The following PDXDC1 variants were observed in gnomAD, a reference collection of about 807,000 sequenced individuals.
PDXDC1 encodes pyridoxal dependent decarboxylase domain containing 1.
PDXDC1 carries 42 observed loss-of-function variants against 100.1 expected under a neutral mutation model. The ratio of observed to expected loss-of-function variants is 0.42; its 90% CI spans 0.33 to 0.54. The LOEUF is 0.54. PDXDC1 is among the 20% of genes least tolerant of loss of function. The pLI, the probability that PDXDC1 is intolerant of heterozygous loss-of-function variation, is 0.10. For missense variants in PDXDC1, 636 were observed against 979.2 expected (o/e 0.65, Z 4.68); for synonymous variants, 260 against 371.7 (o/e 0.70, Z 3.46).
At chr16:15,125,082 G>A (rs1352859734) in intron 16 of PDXDC1, among the ~76,000 whole-genome samples, 5 of 145,314 alleles carry the variant, frequency 3.4e-5, no homozygotes, top group Non-Finnish European at 7.5e-5. Context: ...GGGAGGCGGA[G>A]GTTGCAGTGA....
chr16:15,006,298 C>T, intron 5 of PDXDC1, 96 bp from the exon 6 acceptor site: 1 of 1,199,356 alleles, frequency 8.3e-7, no homozygotes, highest in Non-Finnish European at 1.2e-6. Context: ...AGTGACAATT[C>T]CTAGCTTGAG....
chr16:15,060,163 C>A (rs1237550713), intron 16 of PDXDC1: 2 of 420,884 alleles, frequency 4.8e-6, no homozygotes, highest in Admixed American at 5.5e-5. Flanking sequence ...AAATGTCTTT[C>A]TACATTAAAA....
chr16:14,982,444 G>A (rs1351575502), intron 1 of PDXDC1, among the ~76,000 whole-genome samples: 1 of 152,258 alleles, frequency 6.6e-6, no homozygotes, highest in African/African-American at 2.4e-5. Context: ...CCCACGTGGT[G>A]AAACCCCATC....
Position 14,975,101 on chromosome 16 carries a change from C to T in PDXDC1, c.-99C>T, listed in dbSNP as rs1441483003. 3 of 1,466,936 alleles carry T rather than the reference C, an allele frequency of 2.0e-6. No individual in the cohort carries two copies. Among genetic ancestry groups the T allele is most frequent in the Non-Finnish European group, 2.7e-6 (3 of 1,120,290 alleles). The allele number at this position is 1,466,936 out of a possible 1,614,324, so 90.9% of individuals were successfully genotyped here. On this transcript the variant is annotated 5_prime_UTR_variant, in exon 1 of 23. Coordinates refer to ENST00000396410, the MANE Select transcript of PDXDC1 (RefSeq NM_015027.4). ...TCTTCTCCGCCCCGCCGGCCGCGGG[C>T]GCGGGGGACGTCAGCGCTGCCAGCG...
intron 1 of PDXDC1, among the ~76,000 whole-genome samples, chr16:14,988,047 C>T (rs1969816293): frequency 1.4e-5 from 2 of 138,724 alleles, no homozygotes; most frequent in Admixed American, 1.5e-4. Context: ...GGAAAGCTTA[C>T]AAAAGGTCCA....
intron 16 of PDXDC1, chr16:15,128,214 GC>G (rs781132806): frequency 1.4e-5 from 23 of 1,610,842 alleles, no homozygotes; most frequent in East Asian, 8.9e-5. Flanking sequence ...GGCAGGGTCC[GC>G]ACAGACCTTT....
intron 16 of PDXDC1, among the ~76,000 whole-genome samples, chr16:15,054,710 G>T (rs1028879106): frequency 3.9e-5 from 6 of 152,148 alleles, no homozygotes; most frequent in African/African-American, 1.4e-4. Flanking sequence ...CCTCATTTAT[G>T]CAGCAAATCT....
chr16:15,130,285 G>A (rs1187997298), intron 16 of PDXDC1: 11 of 1,536,080 alleles, frequency 7.2e-6, no homozygotes, highest in Non-Finnish European at 8.8e-6. Context: ...CAGACGGCCT[G>A]GCGGGGCGAG....
intron 16 of PDXDC1, chr16:15,135,980 G>C: frequency 6.4e-7 from 1 of 1,563,738 alleles, no homozygotes; most frequent in Admixed American, 1.8e-5. Context: ...CGGCTGGTGG[G>C]CCCGAGCCAG....
At chr16:15,007,880 G>GC (rs2040916998) in intron 6 of PDXDC1, among the ~76,000 whole-genome samples, 1 of 152,294 alleles carries the variant, frequency 6.6e-6, no homozygotes, top group Non-Finnish European at 1.5e-5. Flanking sequence ...TGGCAGAGCA[G>GC]CATATATAAG....
chr16:15,128,570 A>G (rs2047882638), intron 16 of PDXDC1, among the ~76,000 whole-genome samples: 1 of 152,166 alleles, frequency 6.6e-6, no homozygotes. Flanking sequence ...AATAAACAGC[A>G]GGACCTCAAG....
rs1597333285 is a variant in PDXDC1 at position 14,990,143 on chromosome 16, C to T, written c.22-7610C>T. Reference sequence around the variant, plus strand: ...ACAGCAGTCCCGGCAGCCCCTTGAGCCCCTGCTGTAGCCACATCGGGCCGC... The same window carrying T: ...ACAGCAGTCCCGGCAGCCCCTTGAGTCCCTGCTGTAGCCACATCGGGCCGC... On this transcript the variant is annotated intron_variant, in intron 1 of 22. Transcript: ENST00000396410. The T allele has an allele frequency of 2.1e-6, 3 of 1,434,780 alleles. No individual in the cohort carries two copies. The South Asian group carries it at 3.9e-5, about 19-fold the overall frequency. The allele number at this position is 1,434,780 out of a possible 1,614,324, so 88.9% of individuals were successfully genotyped here.
chr16:15,130,856 T>A (rs2048017951), intron 16 of PDXDC1: 1 of 730,442 alleles, frequency 1.4e-6, no homozygotes, highest in African/African-American at 1.6e-5. Flanking sequence ...ACACCCACGA[T>A]GGCCCTCCTG....
intron 21 of PDXDC1, among the ~76,000 whole-genome samples, chr16:15,034,801 G>C (rs914966362): frequency 3.3e-5 from 5 of 152,182 alleles, no homozygotes; most frequent in African/African-American, 9.7e-5. Flanking sequence ...AAGGCCATGA[G>C]GACACGCCCA....
downstream of PDXDC1, among the ~76,000 whole-genome samples, chr16:15,140,019 C>T (rs2048440387): frequency 7.3e-6 from 1 of 136,790 alleles, no homozygotes; most frequent in Non-Finnish European, 1.5e-5. Context: ...ATCACGTGAA[C>T]CCGGGAGGCG....
intron 1 of PDXDC1, among the ~76,000 whole-genome samples, chr16:14,992,032 A>C (rs1286226779): frequency 6.6e-6 from 1 of 152,288 alleles, no homozygotes; most frequent in Non-Finnish European, 1.5e-5. Context: ...CCTTGCCTTC[A>C]AGAAGCTTGT....
At chr16:15,148,943 G>C in the PDXDC1 span, among the ~76,000 whole-genome samples, 3 of 152,194 alleles carry the variant, frequency 2.0e-5, no homozygotes, top group African/African-American at 7.2e-5. Context: ...AGTTTGGCGA[G>C]TTTGCATCCG....
intron 18 of PDXDC1, 104 bp from the exon 19 acceptor site, chr16:15,033,174 G>T: frequency 7.8e-7 from 1 of 1,286,354 alleles, no homozygotes; most frequent in Non-Finnish European, 1.1e-6. Flanking sequence ...CTCCATGGAG[G>T]AGACCCCTTT....
intron 16 of PDXDC1, among the ~76,000 whole-genome samples, chr16:15,122,104 C>T (rs2047449756): frequency 1.3e-5 from 2 of 151,758 alleles, no homozygotes; most frequent in South Asian, 4.1e-4. Context: ...GCGGAGGTTG[C>T]AGTGAGCCGA....
Sources: gnomAD v4.1 joint callset for allele counts (sites outside exome capture counted in the v4.1 genomes callset) on GRCh38, gnomAD v4.1.1 for gene constraint, MANE v1.5 for transcripts, NCBI Gene and HGNC (gene_info 2026-07-23, HGNC 2026-07-21) for gene names.